KCNH1: variants seen among roughly 807,000 people sequenced by gnomAD.
The protein encoded by KCNH1 is voltage-gated delayed rectifier potassium channel KCNH1.
A neutral mutation model predicts 69.2 loss-of-function variants in KCNH1; 27 were observed. That is an observed-to-expected ratio of 0.39 (90% CI 0.29 to 0.54). KCNH1 has a LOEUF of 0.54. Among genes scored for constraint, KCNH1 ranks in the 20% least tolerant of loss-of-function variants. KCNH1 has a pLI of 0.68. For synonymous variants in KCNH1, 456 were observed against 487.7 expected (o/e 0.93, Z 0.86); for missense variants, 798 against 1,261.6 (o/e 0.63, Z 5.57).
intron 7 of KCNH1, among the ~76,000 whole-genome samples, chr1:210,906,310 G>A (rs1158678404): frequency 6.6e-6 from 1 of 152,172 alleles, no homozygotes; most frequent in Non-Finnish European, 1.5e-5. Flanking sequence ...TGGCTGCCAG[G>A]GAATGGTGGC....
intron 10 of KCNH1, among the ~76,000 whole-genome samples, chr1:210,742,387 C>T (rs1277936395): frequency 6.6e-6 from 1 of 152,118 alleles, no homozygotes; most frequent in Admixed American, 6.5e-5. Flanking sequence ...ATCTTTAAGT[C>T]CCCAGGGGAA....
chr1:210,950,059 T>C (rs1008836740), intron 6 of KCNH1, among the ~76,000 whole-genome samples: 1 of 152,156 alleles, frequency 6.6e-6, no homozygotes, highest in Non-Finnish European at 1.5e-5. Context: ...AAAACAGATG[T>C]ATAAATAAGT....
intron 6 of KCNH1, among the ~76,000 whole-genome samples, chr1:210,997,330 G>A (rs542845537): frequency 6.6e-6 from 1 of 152,220 alleles, no homozygotes; most frequent in Non-Finnish European, 1.5e-5. Flanking sequence ...AGCTGATGCA[G>A]CTGAAAGCCA....
At chr1:210,822,801 C>CA (rs1684957276) in intron 7 of KCNH1, among the ~76,000 whole-genome samples, 1 of 152,186 alleles carries the variant, frequency 6.6e-6, no homozygotes, top group Non-Finnish European at 1.5e-5. Context: ...CCTTGTCAGT[C>CA]TCTCCAAGGT....
intron 5 of KCNH1, among the ~76,000 whole-genome samples, chr1:211,036,603 C>A (rs752070070): frequency 7.2e-5 from 11 of 152,284 alleles, no homozygotes; most frequent in Non-Finnish European, 1.5e-4. Context: ...AGGATACAGA[C>A]CTTGTCCAGT....
chr1:210,866,326 T>C (rs1213052859), intron 7 of KCNH1, among the ~76,000 whole-genome samples: 5 of 152,134 alleles, frequency 3.3e-5, no homozygotes, highest in African/African-American at 9.6e-5. Flanking sequence ...TAGTAAAAAA[T>C]GCAACCCACA....
intron 6 of KCNH1, among the ~76,000 whole-genome samples, chr1:210,946,969 C>T (rs933357168): frequency 6.6e-6 from 1 of 152,176 alleles, no homozygotes; most frequent in African/African-American, 2.4e-5. Flanking sequence ...GTTGTAAACT[C>T]CCCACAGTGC....
intron 3 of KCNH1, among the ~76,000 whole-genome samples, chr1:211,099,881 T>C (rs532075159): frequency 5.9e-5 from 9 of 152,136 alleles, no homozygotes; most frequent in Admixed American, 2.6e-4. Flanking sequence ...CTCCATCTCC[T>C]CCATAGCCCC....
chr1:211,131,282 T>A (rs1691871814), intron 1 of KCNH1, among the ~76,000 whole-genome samples: 1 of 152,072 alleles, frequency 6.6e-6, no homozygotes, highest in Non-Finnish European at 1.5e-5. Flanking sequence ...CATTATCATA[T>A]GAGAAGTTTT....
rs536976050 is a variant in KCNH1 at position 211,124,251 on chromosome 1, T to A, written c.79+9616A>T. ...GAACTGAAAAGCAAGGGCAGGCACATACTGCCTGCTTCAGACAGAACACAG... is the reference window on the plus strand; with the variant it reads ...GAACTGAAAAGCAAGGGCAGGCACAAACTGCCTGCTTCAGACAGAACACAG... On this transcript the variant is annotated intron_variant, in intron 1 of 10. Transcript: ENST00000271751. Among the ~76,000 whole-genome samples the A allele has an allele frequency of 9.2e-5, 14 of 152,316 alleles. No homozygotes were observed. In the South Asian group the frequency reaches 2.5e-3, roughly 27 times the overall value.
At chr1:211,001,435 A>G (rs1428305903) in intron 6 of KCNH1, among the ~76,000 whole-genome samples, 7 of 152,264 alleles carry the variant, frequency 4.6e-5, no homozygotes, top group Non-Finnish European at 8.8e-5. Flanking sequence ...ACTGGCCATC[A>G]GAGAAATGCA....
intron 3 of KCNH1, among the ~76,000 whole-genome samples, chr1:211,092,333 CT>C (rs1373826635): frequency 6.6e-6 from 1 of 152,198 alleles, no homozygotes; most frequent in Non-Finnish European, 1.5e-5. Flanking sequence ...ACAACAGCTA[CT>C]TTACAGATTT....
intron 5 of KCNH1, among the ~76,000 whole-genome samples, chr1:211,027,241 G>T (rs1392680100): frequency 6.6e-6 from 1 of 152,026 alleles, no homozygotes. Context: ...GGAGATATAA[G>T]GAACCAAATG....
intron 5 of KCNH1, among the ~76,000 whole-genome samples, chr1:211,036,715 A>T (rs1689904728): frequency 7.2e-6 from 1 of 139,796 alleles, no homozygotes; most frequent in African/African-American, 2.6e-5. Flanking sequence ...TGACTACAGT[A>T]CAGTCAATAA....
chr1:210,956,198 A>T (rs576058013), intron 6 of KCNH1, among the ~76,000 whole-genome samples: 1 of 152,258 alleles, frequency 6.6e-6, no homozygotes, highest in East Asian at 1.9e-4. Context: ...TATGTGATGG[A>T]TTACGTTTAC....
At position 211,042,624 on chromosome 1, in the gene KCNH1, C is replaced by G. The variant is rs142069537; in HGVS notation, c.559-23368G>C. ...TATACCCCGGAACAAATGGACTTAACAGATATTTACAGAACATTCTACCCA... is the reference window on the plus strand; with the variant it reads ...TATACCCCGGAACAAATGGACTTAAGAGATATTTACAGAACATTCTACCCA... On this transcript the variant is annotated intron_variant, in intron 5 of 10. Transcript: ENST00000271751. Among the ~76,000 whole-genome samples the G allele has an allele frequency of 5.0e-3, 760 of 152,282 alleles. 8 individuals carry two copies. The highest frequency in any genetic ancestry group is 0.017 in the African/African-American group (724 of 41,570).
chr1:211,104,648 G>A (rs554810339), intron 2 of KCNH1, among the ~76,000 whole-genome samples: 1 of 152,078 alleles, frequency 6.6e-6, no homozygotes, highest in Non-Finnish European at 1.5e-5. Context: ...TCTTTCAATG[G>A]GGCTGGAATG....
chr1:210,803,285 T>G (rs770128959), intron 8 of KCNH1, among the ~76,000 whole-genome samples: 3 of 152,152 alleles, frequency 2.0e-5, no homozygotes, highest in Non-Finnish European at 2.9e-5. Context: ...GTATCTTTAG[T>G]AGAGATGGGG....
intron 9 of KCNH1, among the ~76,000 whole-genome samples, chr1:210,797,195 A>G (rs1462573513): frequency 5.3e-5 from 8 of 152,122 alleles, no homozygotes; most frequent in Non-Finnish European, 1.2e-4. Flanking sequence ...AAGCCTTCCC[A>G]CTTGAATACT....
Sources: allele counts gnomAD v4.1 joint callset (sites outside exome capture counted in the v4.1 genomes callset), GRCh38; gene constraint gnomAD v4.1.1; transcripts MANE v1.5; gene names NCBI Gene and HGNC (gene_info 2026-07-23, HGNC 2026-07-21).